The following TTC32 variants were observed in gnomAD, a reference collection of about 807,000 sequenced individuals.
TTC32 encodes tetratricopeptide repeat domain 32, also known as tetratricopeptide repeat protein 32.
A neutral mutation model predicts 15.3 loss-of-function variants in TTC32; 16 were observed. The observed-to-expected ratio is 1.05, with a 90% CI of 0.71 to 1.59. The LOEUF is 1.59. Among genes scored for constraint, TTC32 ranks in the 40% most tolerant of loss-of-function variants. The pLI, the probability that TTC32 is intolerant of heterozygous loss-of-function variation, is 0.00. For missense variants in TTC32, 188 were observed against 181.9 expected (o/e 1.03, Z -0.19); for synonymous variants, 89 against 67.8 (o/e 1.31, Z -1.53).
Position 19,898,127 on chromosome 2 carries a change from A to G in TTC32, c.150-92T>C, listed in dbSNP as rs950938598. Reference sequence around the variant, plus strand: ...TCTTTTGGGTATTGTCAAACTTCACAGCCTATAACATGCAGCATCAACACT... The same window carrying G: ...TCTTTTGGGTATTGTCAAACTTCACGGCCTATAACATGCAGCATCAACACT... On this transcript the variant is annotated intron_variant, in intron 1 of 2. Transcript: ENST00000333610. 3 of 1,151,872 alleles carry G rather than the reference A, an allele frequency of 2.6e-6. No homozygotes were observed. In the African/African-American group the frequency reaches 4.6e-5, roughly 18 times the overall value. 71.4% of individuals were successfully genotyped at this position (1,151,872 alleles called of 1,614,324 possible).
At position 19,901,740 on chromosome 2, in the gene TTC32, C is replaced by T. The variant is rs373440625; in HGVS notation, c.115G>A (p.Ala39Thr). ...ALYSAYIRRC[A>T]CAASSDESPG... ...CTCTCGTCGCTGGAGGCCGCGCAAG[C>T]GCACCGGCGAATGTAAGCGGAGTAC... Residue 39 changes from alanine (A) to threonine (T), a missense_variant, in exon 1 of 3, where the codon GCT (alanine) becomes ACT (threonine). Transcript: ENST00000333610. 10 of 1,613,314 alleles carry T rather than the reference C, an allele frequency of 6.2e-6. No individual in the cohort carries two copies. The African/African-American group carries it at 1.3e-4, about 22-fold the overall frequency.
chr2:19,896,847 A>T lies in TTC32; in HGVS notation c.*140T>A. 1.4e-6 allele frequency: 1 copy of T among 739,136 alleles called. No homozygotes were observed. Among genetic ancestry groups the T allele is most frequent in the South Asian group, 2.9e-5 (1 of 34,286 alleles). The allele number at this position is 739,136 out of a possible 1,614,324, so 45.8% of individuals were successfully genotyped here. On this transcript the variant is annotated 3_prime_UTR_variant, in exon 3 of 3. Coordinates refer to ENST00000333610, the MANE Select transcript of TTC32 (RefSeq NM_001008237.3). ...AAACCCATTCAACCTGAAATTAACT[A>T]CCTTAAACACACTATTTAACTTTCA... is the stretch of plus-strand genomic sequence containing the variant.
chr2:19,901,670 CG>C, intron 1 of TTC32, 35 bp downstream of exon 1: 1 of 1,597,166 alleles, frequency 6.3e-7, no homozygotes. Context: ...CGCCTCCACC[CG>C]GGGTCGCCGC....
chr2:19,900,752 A>C (rs1330501185), intron 1 of TTC32, among the ~76,000 whole-genome samples: 1 of 152,232 alleles, frequency 6.6e-6, no homozygotes, highest in African/African-American at 2.4e-5. Context: ...GAAAGTACAC[A>C]CACCCACCTA....
chr2:19,899,016 C>G (rs761475508), intron 1 of TTC32, among the ~76,000 whole-genome samples: 8 of 152,198 alleles, frequency 5.3e-5, no homozygotes, highest in Non-Finnish European at 7.3e-5. Context: ...CCGAAAGTAT[C>G]TGTGAAGGCA....
chr2:19,897,530 T>G (rs1669530369), intron 2 of TTC32, among the ~76,000 whole-genome samples: 1 of 152,246 alleles, frequency 6.6e-6, no homozygotes, highest in South Asian at 2.1e-4. Context: ...TCACTTTCTA[T>G]TGTCTTGTGT....
intron 1 of TTC32, chr2:19,898,529 A>G (rs911045183): frequency 6.6e-6 from 1 of 152,290 alleles, no homozygotes; most frequent in African/African-American, 2.4e-5. Context: ...AGTTAACGCT[A>G]AGTGAAAATT....
intron 1 of TTC32, among the ~76,000 whole-genome samples, chr2:19,899,163 G>C (rs912516505): frequency 2.0e-5 from 3 of 152,180 alleles, no homozygotes; most frequent in African/African-American, 7.2e-5. Context: ...CGATGGAGAG[G>C]AACTGTCGCA....
intron 1 of TTC32, among the ~76,000 whole-genome samples, chr2:19,900,293 T>C (rs543321878): frequency 9.2e-5 from 14 of 152,228 alleles, no homozygotes; most frequent in Non-Finnish European, 2.1e-4. Context: ...ATCTTTTTTA[T>C]GGGGGAGGTG....
At chr2:19,901,661 GCCTCCACC>G (rs1336613174) in intron 1 of TTC32, 37 bp downstream of exon 1, 8 of 1,587,390 alleles carry the variant, frequency 5.0e-6, no homozygotes, top group Non-Finnish European at 6.9e-6. Context: ...CCCCAACGTC[GCCTCCACC>G]CGGGGTCGCC....
In TTC32 at chr2:19,898,014, C is replaced by T. The variant is rs1447826323; in HGVS notation, c.171G>A (p.Leu57=). 39 of 1,582,896 alleles carry T rather than the reference C, an allele frequency of 2.5e-5. No homozygotes were observed. The highest frequency in any genetic ancestry group is 3.4e-5 in the Non-Finnish European group (39 of 1,159,928). ...SPGSKCSPED[L]ATAYNNRGQI... ...GCCCCCTGTTGTTATATGCAGTAGC[C>T]AAATCCTCAGGGCTGCATTTGCTTT... Residue 57 remains leucine, a synonymous_variant, in exon 2 of 3, where the codon TTG becomes TTA. Coordinates refer to ENST00000333610, the MANE Select transcript of TTC32 (RefSeq NM_001008237.3).
rs1669599884 is a variant in TTC32 at position 19,901,375 on chromosome 2, G to A, written c.149+331C>T. 3 of 335,746 alleles carry A rather than the reference G, an allele frequency of 8.9e-6. No individual in the cohort carries two copies. The Admixed American group carries it at 1.4e-4, about 15-fold the overall frequency. The allele number at this position is 335,746 out of a possible 1,614,324, so 20.8% of individuals were successfully genotyped here. ...ATTCCTATCTGTCCTAAGTCTCTGG[G>A]TGCGAATGAGGAACGTGGAAGGAGA... On this transcript the variant is annotated intron_variant, in intron 1 of 2. Transcript: ENST00000333610.
rs754692107 is a variant in TTC32 at position 19,897,879 on chromosome 2, C to G, written c.306G>C (p.Leu102=). ...EVPYYNRGLI[L]YRLGYFDDAL... ...AAAAAAAATTCTTACCCAGCCTATA[C>G]AGTATCAACCCTCTGTTGTAATATG... Residue 102 remains leucine (L), a synonymous_variant, in exon 2 of 3, where the codon CTG becomes CTC. Coordinates refer to ENST00000333610, the MANE Select transcript of TTC32 (RefSeq NM_001008237.3). 7.5e-6 allele frequency: 12 copies of G among 1,591,946 alleles called. No homozygotes were observed. The highest frequency in any genetic ancestry group is 9.4e-6 in the Non-Finnish European group (11 of 1,166,940).
Position 19,901,876 on chromosome 2 carries a change from G to C in TTC32, c.-22C>G. The C allele has an allele frequency of 6.2e-7, 1 of 1,613,604 alleles. No individual in the cohort carries two copies. Among genetic ancestry groups the C allele is most frequent in the South Asian group, 1.1e-5 (1 of 90,990 alleles). On this transcript the variant is annotated 5_prime_UTR_variant, in exon 1 of 3. Coordinates refer to ENST00000333610, the MANE Select transcript of TTC32 (RefSeq NM_001008237.3). The stretch of plus-strand genomic sequence containing the variant: ...CCATAGCAGCCAAGGCCTAGTTTTC[G>C]GTGTAGAATGGGGGTTGACCTCCGA...
chr2:19,897,789 G>A (rs574673912), intron 2 of TTC32, 80 bp downstream of exon 2: 260 of 1,142,014 alleles, frequency 2.3e-4, no homozygotes, highest in African/African-American at 3.4e-4. Context: ...TGATTACCAC[G>A]TTAGTTTTAC....
At chr2:19,897,780 G>T in intron 2 of TTC32, 89 bp downstream of exon 2, 1 of 1,080,532 alleles carries the variant, frequency 9.3e-7, no homozygotes, top group Non-Finnish European at 1.3e-6. Flanking sequence ...TTTAAAATTT[G>T]ATTACCACGT....
At chr2:19,901,628 G>A (rs1004973987) in intron 1 of TTC32, 78 bp downstream of exon 1, 31 of 1,536,636 alleles carry the variant, frequency 2.0e-5, no homozygotes, top group African/African-American at 2.7e-5. Context: ...GAGCTCCAGA[G>A]GCAAAGATAG....
chr2:19,897,140 CA>C lies in TTC32; in HGVS notation c.317-15del. The C allele has an allele frequency of 1.3e-6, 2 of 1,571,664 alleles. No individual in the cohort carries two copies. The highest frequency in any genetic ancestry group is 1.7e-6 in the Non-Finnish European group (2 of 1,167,764). On this transcript the variant is annotated splice_polypyrimidine_tract_variant and intron_variant, in intron 2 of 2. Coordinates refer to ENST00000333610, the MANE Select transcript of TTC32 (RefSeq NM_001008237.3). ...CATCAAAATATCCTGTACCAGAACC[CA>C]AAAAATGGAAAAGAGAAAAGAAACC...
chr2:19,898,750 T>C (rs1440359539), intron 1 of TTC32, among the ~76,000 whole-genome samples: 1 of 152,196 alleles, frequency 6.6e-6, no homozygotes, highest in African/African-American at 2.4e-5. Flanking sequence ...GAGCTTTAAA[T>C]TAGCAGCCAT....
Sources: gnomAD v4.1 joint callset for allele counts (sites outside exome capture counted in the v4.1 genomes callset) on GRCh38, gnomAD v4.1.1 for gene constraint, MANE v1.5 for transcripts, NCBI Gene and HGNC (gene_info 2026-07-23, HGNC 2026-07-21) for gene names.